GHDC: variants seen among roughly 807,000 people sequenced by gnomAD.
GHDC encodes GH3 domain-containing protein.
A neutral mutation model predicts 51.5 loss-of-function variants in GHDC; 39 were observed. The observed-to-expected ratio is 0.76, with a 90% CI of 0.59 to 0.99. The LOEUF (loss-of-function observed/expected upper bound fraction) is 0.99, where lower values mean the gene tolerates loss of function less well. Ranked by LOEUF, GHDC falls within the 50% of genes least tolerant of loss-of-function variation. The probability of loss-of-function intolerance (pLI) is 0.00; values close to 1 mark genes in which losing one functional copy is unlikely to be tolerated. For synonymous variants in GHDC, 282 were observed against 305.2 expected (o/e 0.92, Z 0.79); for missense variants, 610 against 672.8 (o/e 0.91, Z 1.03).
At chr17:42,190,424 G>A (rs916135991) in intron 8 of GHDC, 154 bp from the exon 9 acceptor site, 241 of 1,507,106 alleles carry the variant, frequency 1.6e-4, no homozygotes, top group Non-Finnish European at 2.1e-4. Flanking sequence ...GGAACCTAGA[G>A]CTTGATCCTA....
In GHDC at chr17:42,189,833, C is replaced by G; in HGVS notation, c.1463G>C (p.Gly488Ala). 6.4e-7 allele frequency: 1 copy of G among 1,560,486 alleles called. No homozygotes were observed. Among genetic ancestry groups the G allele is most frequent in the Non-Finnish European group, 8.7e-7 (1 of 1,153,372 alleles). ...SVGPARVHLV[G>A]QGAFRALRAA... Reference sequence around the variant, plus strand: ...CCGGAGTGCTCGGAAGGCTCCCTGCCCCACCAGGTGGACTCTGGCAGGGCC... The same window carrying G: ...CCGGAGTGCTCGGAAGGCTCCCTGCGCCACCAGGTGGACTCTGGCAGGGCC... The change falls in exon 10 of 10, where the codon GGG becomes GCG. Residue 488 changes from glycine (G) to alanine (A), a missense_variant. By Grantham distance (60) the Gly-to-Ala change is moderately conservative (BLOSUM62 0). Around this residue, in one of 2 missense-constraint regions of GHDC, gnomAD observed 412 missense variants for 410.4 expected, o/e 1.00. Coordinates refer to ENST00000587427, the MANE Select transcript of GHDC (RefSeq NM_032484.5).
chr17:42,192,663 A>C lies in GHDC; in HGVS notation c.467T>G (p.Leu156Arg), dbSNP rs762320191. ...LAQGRTARVT[L>R]TSPWPRPLPW... ...CAGGGGTCGGGGCCAAGGGGATGTAAGCGTCACACGGGCAGTGCGTCCCTG... is the reference window on the plus strand; with the variant it reads ...CAGGGGTCGGGGCCAAGGGGATGTACGCGTCACACGGGCAGTGCGTCCCTG... The change falls in exon 5 of 10, where the codon CTT becomes CGT. Residue 156 changes from leucine (L) to arginine (R), a missense_variant. Physicochemically the swap from Leu to Arg is moderately radical, Grantham distance 102 (BLOSUM62 -2). Coordinates refer to ENST00000587427, the MANE Select transcript of GHDC (RefSeq NM_032484.5). 1 of 1,604,868 alleles carries C rather than the reference A, an allele frequency of 6.2e-7. No homozygotes were observed. The highest frequency in any genetic ancestry group is 8.5e-7 in the Non-Finnish European group (1 of 1,174,732).
chr17:42,190,523 G>A (rs1419327459), intron 8 of GHDC, 101 bp downstream of exon 8: 2 of 1,460,168 alleles, frequency 1.4e-6, no homozygotes, highest in Non-Finnish European at 1.8e-6. Flanking sequence ...TGTAGGAGTA[G>A]TAAAGGAGGC....
At chr17:42,193,656 G>A (rs575945197) in intron 2 of GHDC, 62 bp from the exon 3 acceptor site, 12 of 1,466,590 alleles carry the variant, frequency 8.2e-6, no homozygotes, top group East Asian at 2.5e-5. Context: ...CTCCTCCCAC[G>A]CTCTACTGCA....
Position 42,192,601 on chromosome 17 carries a change from G to A in GHDC, c.529C>T (p.Pro177Ser). The change falls in exon 5 of 10, where the codon CCT becomes TCT. Residue 177 changes from proline to serine, a missense_variant. Physicochemically the swap from Pro to Ser is moderately conservative, Grantham distance 74. Coordinates refer to ENST00000587427, the MANE Select transcript of GHDC (RefSeq NM_032484.5). ...PGNTLGQVGT[P>S]GTKDPRALLL... ...AGGGCCCTAGGGTCCTTGGTTCCAG[G>A]GGTGCCCACCTGGCCCAGGGTATTC... 6.2e-7 allele frequency: 1 copy of A among 1,613,576 alleles called. No homozygotes were observed. Among genetic ancestry groups the A allele is most frequent in the Non-Finnish European group, 8.5e-7 (1 of 1,179,986 alleles).
In GHDC at chr17:42,191,092, G is replaced by T; in HGVS notation, c.1008C>A (p.Ser336=). ...VKEGTQEEAA[S]TLLLAEAQQG... is the part of the protein sequence containing the mutation. Reference sequence around the variant, plus strand: ...GCTGGGCCTCGGCCAAAAGGAGGGTGGAGGCAGCTTCCTCCTGGGTGCCTT... The same window carrying T: ...GCTGGGCCTCGGCCAAAAGGAGGGTTGAGGCAGCTTCCTCCTGGGTGCCTT... Residue 336 remains serine, a synonymous_variant, in exon 6 of 10, where the codon TCC becomes TCA. Coordinates refer to ENST00000587427, the MANE Select transcript of GHDC (RefSeq NM_032484.5). 1 of 1,576,292 alleles carries T rather than the reference G, an allele frequency of 6.3e-7. No homozygotes were observed. Among genetic ancestry groups the T allele is most frequent in the Non-Finnish European group, 8.6e-7 (1 of 1,164,306 alleles).
At chr17:42,191,762 T>A (rs905916958) in intron 5 of GHDC, among the ~76,000 whole-genome samples, 6 of 132,116 alleles carry the variant, frequency 4.5e-5, no homozygotes, top group Non-Finnish European at 9.6e-5. Flanking sequence ...CCCGGCCTTT[T>A]TTTTTTTTTT....
Position 42,193,544 on chromosome 17 carries a change from A to G in GHDC, c.38T>C (p.Leu13Pro), listed in dbSNP as rs771145278. The G allele has an allele frequency of 1.7e-5, 24 of 1,430,400 alleles. No homozygotes were observed. The East Asian group carries it at 3.5e-4, about 21-fold the overall frequency. The allele number at this position is 1,430,400 out of a possible 1,614,324, so 88.6% of individuals were successfully genotyped here. A position where few individuals can be genotyped will look rare whatever the true frequency, so the allele number is the denominator to read the frequency against. Residue 13 changes from leucine to proline, a missense_variant, in exon 3 of 10, where the codon CTG becomes CCG. Transcript: ENST00000587427. ...LWPLLLLLLLLPTLALLRQQR... is the reference protein window; with the variant it reads ...LWPLLLLLLLPPTLALLRQQR... ...CTGCCTGAGCAGGGCCAATGTTGGCAGCAGCAGCAGCAGCAGCAGCAGTGG... is the reference window on the plus strand; with the variant it reads ...CTGCCTGAGCAGGGCCAATGTTGGCGGCAGCAGCAGCAGCAGCAGCAGTGG...
chr17:42,190,549 C>T lies in GHDC; in HGVS notation c.1288+75G>A, dbSNP rs541287190. 7.9e-6 allele frequency: 12 copies of T among 1,516,114 alleles called. No homozygotes were observed. In the East Asian group the frequency reaches 2.8e-4, roughly 36 times the overall value. 93.9% of individuals were successfully genotyped at this position (1,516,114 alleles called of 1,614,324 possible). A position where few individuals can be genotyped will look rare whatever the true frequency, so the allele number is the denominator to read the frequency against. On this transcript the variant is annotated intron_variant, in intron 8 of 9. Coordinates refer to ENST00000587427, the MANE Select transcript of GHDC (RefSeq NM_032484.5). ...TAAAGGAGGCTTATCTCTTTCCTAG[C>T]AGTCCCCTGGCAGGGGAGGTAGGAG...
chr17:42,190,827 C>A lies in GHDC; in HGVS notation c.1154+5G>T, dbSNP rs772629029. 1 of 1,613,648 alleles carries A rather than the reference C, an allele frequency of 6.2e-7. No homozygotes were observed. The highest frequency in any genetic ancestry group is 2.2e-5 in the East Asian group (1 of 44,886). On this transcript the variant is annotated splice_donor_5th_base_variant and intron_variant, in intron 7 of 9. Transcript: ENST00000587427. Reference sequence around the variant, plus strand: ...ATGGCCCTTCAGCTCCCCGGGGTCACCTACCTGCAGATGAACCTGACGACT... The same window carrying A: ...ATGGCCCTTCAGCTCCCCGGGGTCAACTACCTGCAGATGAACCTGACGACT...
In GHDC at chr17:42,193,496, A is replaced by G; in HGVS notation, c.86T>C (p.Leu29Pro). 6.4e-7 allele frequency: 1 copy of G among 1,554,116 alleles called. No individual in the cohort carries two copies. The highest frequency in any genetic ancestry group is 8.7e-7 in the Non-Finnish European group (1 of 1,149,192). Residue 29 changes from leucine (L) to proline (P), a missense_variant, in exon 3 of 10, where the codon CTG becomes CCG. Coordinates refer to ENST00000587427, the MANE Select transcript of GHDC (RefSeq NM_032484.5). ...GTGCTGGAGGCCAGCAAGCCAGGAC[A>G]GCCTGGCATCCTGGGACCGCTGCTG... ...LRQQRSQDAR[L>P]SWLAGLQHRV...
chr17:42,190,598 A>G (rs575001720), intron 8 of GHDC, 26 bp downstream of exon 8: 5 of 1,601,934 alleles, frequency 3.1e-6, no homozygotes, highest in African/African-American at 1.3e-5. Flanking sequence ...CAAGGATGGT[A>G]GGCAGGAGCC....
At position 42,189,876 on chromosome 17, in the gene GHDC, G is replaced by A. The variant is rs200095635; in HGVS notation, c.1420C>T (p.Arg474Trp). 1.6e-4 allele frequency: 243 copies of A among 1,559,242 alleles called. 1 individual carries two copies. In the East Asian group the frequency reaches 2.7e-3, roughly 17 times the overall value. Residue 474 changes from arginine to tryptophan, a missense_variant, in exon 10 of 10, where the codon CGG becomes TGG. Around this residue, in one of 2 missense-constraint regions of GHDC, gnomAD observed 412 missense variants for 410.4 expected, o/e 1.00. Coordinates refer to ENST00000587427, the MANE Select transcript of GHDC (RefSeq NM_032484.5). ...GCAGGGCCCACGCTGCCCCAGAACC[G>A]CAGGGACTTGTAGCGGGGAGAGGCT... ...QEASPRYKSL[R>W]FWGSVGPARV... is the part of the protein sequence containing the mutation.
At chr17:42,190,059 C>T (rs2079955962) in intron 9 of GHDC, 126 bp downstream of exon 9, 13 of 1,385,786 alleles carry the variant, frequency 9.4e-6, no homozygotes, top group Admixed American at 4.3e-5. Flanking sequence ...GCCCTCCCCT[C>T]CCAGAGCCCC....
intron 8 of GHDC, 106 bp downstream of exon 8, chr17:42,190,515 TAGG>T: frequency 7.0e-7 from 1 of 1,435,750 alleles, no homozygotes. Flanking sequence ...AGGACTTTTG[TAGG>T]AGTAGTAAAG....
Position 42,193,039 on chromosome 17 carries a change from A to T in GHDC, c.266-12T>A. ...GAAGGTGCTTATGTCTATAGCCCCA[A>T]TGACAACAGAAACGCCTCAGGAAGC... is the stretch of plus-strand genomic sequence containing the variant. On this transcript the variant is annotated splice_polypyrimidine_tract_variant and intron_variant, in intron 3 of 9. Transcript: ENST00000587427. 4 of 1,614,116 alleles carry T rather than the reference A, an allele frequency of 2.5e-6. No individual in the cohort carries two copies. The highest frequency in any genetic ancestry group is 3.4e-6 in the Non-Finnish European group (4 of 1,180,004).
Position 42,191,098 on chromosome 17 carries a change from A to C in GHDC, c.1002T>G (p.Ala334=). The change falls in exon 6 of 10, where the codon GCT becomes GCG. Residue 334 remains alanine (A), a synonymous_variant. Transcript: ENST00000587427. The part of the protein sequence containing the change: ...LPVKEGTQEE[A]ASTLLLAEAQ... ...CCTCGGCCAAAAGGAGGGTGGAGGC[A>C]GCTTCCTCCTGGGTGCCTTCCTTGA... The C allele has an allele frequency of 2.5e-6, 4 of 1,574,762 alleles. No homozygotes were observed. Among genetic ancestry groups the C allele is most frequent in the Non-Finnish European group, 3.4e-6 (4 of 1,163,664 alleles).
Position 42,192,271 on chromosome 17 carries a change from A to AGG in GHDC, c.857_858dup (p.Phe287ProfsTer16), listed in dbSNP as rs1412436317. The AGG allele has an allele frequency of 6.4e-7, 1 of 1,563,502 alleles. No homozygotes were observed. The highest frequency in any genetic ancestry group is 2.2e-5 in the East Asian group (1 of 44,478). On this transcript the variant is annotated frameshift_variant, in exon 5 of 10. Coordinates refer to ENST00000587427, the MANE Select transcript of GHDC (RefSeq NM_032484.5). LOFTEE classifies it high-confidence loss of function. ...GAGGCAGCATAAGCAGGAGAGAAGAAGGCTAGTCCTTGGCACCACAAGGCC... is the reference window on the plus strand; with the variant it reads ...GAGGCAGCATAAGCAGGAGAGAAGAAGGGGCTAGTCCTTGGCACCACAAGGCC...
intron 5 of GHDC, among the ~76,000 whole-genome samples, chr17:42,191,758 CTTTTTTT>C (rs71357532): frequency 9.9e-6 from 1 of 101,100 alleles, no homozygotes; most frequent in Admixed American, 1.1e-4. Context: ...CTGCCCCGGC[CTTTTTTT>C]TTTTTTTTTT....
Sources: allele counts gnomAD v4.1 joint callset (sites outside exome capture counted in the v4.1 genomes callset), GRCh38; gene constraint gnomAD v4.1.1; regional missense constraint gnomAD v4.1.1; transcripts MANE v1.5; gene names NCBI Gene and HGNC (gene_info 2026-07-23, HGNC 2026-07-21).